The following RYR3 variants were observed in gnomAD, a reference collection of about 807,000 sequenced individuals.
RYR3 encodes the protein brain ryanodine receptor-calcium release channel.
A neutral mutation model predicts 584.3 loss-of-function variants in RYR3; 207 were observed. The ratio of observed to expected loss-of-function variants is 0.35; its 90% CI spans 0.32 to 0.40. The LOEUF (loss-of-function observed/expected upper bound fraction) is 0.40. RYR3 is among the 10% of genes least tolerant of loss of function. RYR3 has a pLI of 1.00. For synonymous variants in RYR3, 2,416 were observed against 2,248.5 expected (o/e 1.07, Z -2.11); for missense variants, 5,616 against 6,089.2 (o/e 0.92, Z 2.59).
chr15:33,864,944 A>G (rs1370485998), intron 103 of RYR3, 187 bp from the exon 104 acceptor site: 2 of 542,692 alleles, frequency 3.7e-6, no homozygotes, highest in African/African-American at 3.8e-5. Flanking sequence ...AGCATGTGTC[A>G]GAGAGACATG....
At chr15:33,786,272 A>G (rs1033785122) in intron 66 of RYR3, among the ~76,000 whole-genome samples, 5 of 152,130 alleles carry the variant, frequency 3.3e-5, no homozygotes, top group Non-Finnish European at 7.4e-5. Flanking sequence ...GCTTTATTTG[A>G]TTTTGGTACT....
intron 27 of RYR3, among the ~76,000 whole-genome samples, chr15:33,643,483 A>G (rs765826503): frequency 6.6e-6 from 1 of 152,194 alleles, no homozygotes; most frequent in African/African-American, 2.4e-5. Flanking sequence ...GTTTGGAGAG[A>G]TGATAGCTGT....
chr15:33,688,278 A>G (rs1435018964), intron 38 of RYR3, among the ~76,000 whole-genome samples: 1 of 152,200 alleles, frequency 6.6e-6, no homozygotes, highest in Non-Finnish European at 1.5e-5. Flanking sequence ...TCTCAAAAGA[A>G]GACATTTATG....
chr15:33,790,282 C>T (rs561684417), intron 67 of RYR3, among the ~76,000 whole-genome samples: 1 of 146,416 alleles, frequency 6.8e-6, no homozygotes, highest in African/African-American at 2.5e-5. Context: ...CGTGAGCCAC[C>T]TTGCCCAGCC....
chr15:33,847,762 A>G (rs1205700379), intron 93 of RYR3: 1 of 152,508 alleles, frequency 6.6e-6, no homozygotes, highest in Non-Finnish European at 1.5e-5. Flanking sequence ...CTCAGGAAGA[A>G]AACTTCATAC....
At chr15:33,607,076 C>G (rs1595806810) in intron 18 of RYR3, among the ~76,000 whole-genome samples, 1 of 152,164 alleles carries the variant, frequency 6.6e-6, no homozygotes, top group Non-Finnish European at 1.5e-5. Context: ...CAACCCCAGT[C>G]CTATGTGGAC....
chr15:33,484,868 T>C (rs1243859818), intron 2 of RYR3, among the ~76,000 whole-genome samples: 1 of 152,194 alleles, frequency 6.6e-6, no homozygotes, highest in Non-Finnish European at 1.5e-5. Flanking sequence ...GGCATCTGTA[T>C]ATATGACTTA....
chr15:33,796,396 A>C (rs1167322565), intron 67 of RYR3, among the ~76,000 whole-genome samples: 1 of 152,110 alleles, frequency 6.6e-6, no homozygotes, highest in African/African-American at 2.4e-5. Context: ...GGCCTCCCAA[A>C]GTGCTGGGAT....
chr15:33,738,254 C>G (rs527305424), intron 49 of RYR3, among the ~76,000 whole-genome samples, 196 bp from the exon 50 acceptor site: 1 of 152,272 alleles, frequency 6.6e-6, no homozygotes, highest in African/African-American at 2.4e-5. Context: ...CGCTCAGGCT[C>G]AAGCTGACTG....
At position 33,349,743 on chromosome 15, in the gene RYR3, CCT is replaced by C. The variant is rs1286136908; in HGVS notation, c.51+38649_51+38650del. ...ATATCTCCCAATGCTATCCCTCCCCCCTCCCCCCACCCCACAACAGTCCCCAG... is the reference window on the plus strand; with the variant it reads ...ATATCTCCCAATGCTATCCCTCCCCCCCCCCCACCCCACAACAGTCCCCAG... On this transcript the variant is annotated intron_variant, in intron 1 of 103. Transcript: ENST00000634891. 9.2e-4 allele frequency among the ~76,000 whole-genome samples: 94 copies of C among 102,188 alleles called. 2 individuals are homozygous for C. The highest frequency in any genetic ancestry group is 2.5e-3 in the South Asian group (6 of 2,356). The allele number at this position is 102,188 out of a possible 152,430, so 67.0% of individuals were successfully genotyped here.
chr15:33,408,017 T>TC (rs1472660399), intron 1 of RYR3, among the ~76,000 whole-genome samples: 1 of 152,146 alleles, frequency 6.6e-6, no homozygotes, highest in Non-Finnish European at 1.5e-5. Context: ...TTGAATTTTT[T>TC]TTTTTTCCAG....
chr15:33,767,958 T>A (rs2073241324), intron 60 of RYR3, among the ~76,000 whole-genome samples: 1 of 152,120 alleles, frequency 6.6e-6, no homozygotes, highest in African/African-American at 2.4e-5. Flanking sequence ...AGTCAAACAA[T>A]GAGGCACAGC....
At chr15:33,634,314 G>T (rs1212121223) in intron 24 of RYR3, among the ~76,000 whole-genome samples, 1 of 152,022 alleles carries the variant, frequency 6.6e-6, no homozygotes, top group Non-Finnish European at 1.5e-5. Context: ...GCCTCCCAAA[G>T]TGCTGGGATT....
chr15:33,601,677 C>T, intron 17 of RYR3, 125 bp downstream of exon 17: 1 of 994,046 alleles, frequency 1.0e-6, no homozygotes, highest in Non-Finnish European at 1.5e-6. Context: ...GATACAAGTA[C>T]ATAAGACAAG....
chr15:33,540,502 C>A (rs951365716), intron 6 of RYR3, among the ~76,000 whole-genome samples: 1 of 152,120 alleles, frequency 6.6e-6, no homozygotes, highest in Non-Finnish European at 1.5e-5. Flanking sequence ...GTTATCTTAT[C>A]CTACAAAGAA....
chr15:33,434,590 A>G (rs183575883), intron 1 of RYR3, among the ~76,000 whole-genome samples: 3 of 152,320 alleles, frequency 2.0e-5, no homozygotes, highest in Admixed American at 6.5e-5. Context: ...AAAAATATCT[A>G]GTACCCATAT....
At position 33,722,780 on chromosome 15, in the gene RYR3, G is replaced by A. The variant is rs763545124; in HGVS notation, c.6685G>A (p.Gly2229Ser). 17 of 1,613,232 alleles carry A rather than the reference G, an allele frequency of 1.1e-5. No homozygotes were observed. The Middle Eastern group carries it at 4.9e-4, about 47-fold the overall frequency. ...KLLIRRPECF[G>S]PALRGEGGNG... ...GCTCATCAGACGCCCAGAGTGCTTC[G>A]GCCCGGCCCTGCGGGGTGAGGGGGG... is the stretch of plus-strand genomic sequence containing the variant. The change falls in exon 44 of 104, where the codon GGC (glycine) becomes AGC (serine). Residue 2229 changes from glycine (G) to serine (S), a missense_variant. Transcript: ENST00000634891.
rs928093604 is a variant in RYR3 at position 33,748,000 on chromosome 15, C to G, written c.7990-114C>G. 4 of 868,976 alleles carry G rather than the reference C, an allele frequency of 4.6e-6. No homozygotes were observed. The African/African-American group carries it at 6.7e-5, about 15-fold the overall frequency. 53.8% of individuals were successfully genotyped at this position (868,976 alleles called of 1,614,324 possible). A position where few individuals can be genotyped will look rare whatever the true frequency, so the allele number is the denominator to read the frequency against. The stretch of plus-strand genomic sequence containing the variant: ...GATGTTTTGACCTTGTGAGAGAAGG[C>G]TGGTGCTAACTAGCACCCCCACCCA... On this transcript the variant is annotated intron_variant, in intron 53 of 103. Coordinates refer to ENST00000634891, the MANE Select transcript of RYR3 (RefSeq NM_001036.6).
At chr15:33,362,250 TACCCTCCC>T (rs1373400684) in intron 1 of RYR3, among the ~76,000 whole-genome samples, 2 of 152,216 alleles carry the variant, frequency 1.3e-5, no homozygotes, top group African/African-American at 4.8e-5. Flanking sequence ...CTATTGTCTT[TACCCTCCC>T]TGTGATCCAA....
Sources: gnomAD v4.1 joint callset for allele counts (sites outside exome capture counted in the v4.1 genomes callset) on GRCh38, gnomAD v4.1.1 for gene constraint, MANE v1.5 for transcripts, NCBI Gene and HGNC (gene_info 2026-07-23, HGNC 2026-07-21) for gene names.